The following BAG4 variants were observed in gnomAD, a reference collection of about 807,000 sequenced individuals.
The protein encoded by BAG4 is BAG family molecular chaperone regulator 4.
In BAG4, 28 loss-of-function variants were observed where a neutral mutation model predicts 52.1. The observed-to-expected ratio is 0.54, with a 90% confidence interval of 0.40 to 0.74. The LOEUF (loss-of-function observed/expected upper bound fraction) is 0.74, where lower values mean the gene tolerates loss of function less well. BAG4 is among the 30% of genes least tolerant of loss of function. The pLI, the probability that BAG4 is intolerant of heterozygous loss-of-function variation, is 0.00. For synonymous variants in BAG4, 208 were observed against 217.0 expected, an observed-to-expected ratio of 0.96 and a Z score of 0.37; for missense variants, 525 against 572.0, an observed-to-expected ratio of 0.92 and a Z score of 0.84.
intron 2 of BAG4, among the ~76,000 whole-genome samples, chr8:38,200,129 G>A (rs992013676): frequency 1.2e-4 from 18 of 151,266 alleles, no homozygotes; most frequent in African/African-American, 4.4e-4. Flanking sequence ...TCAGCCTCCC[G>A]AGTAGCTAGG....
At chr8:38,182,366 T>C (rs1413336292) in intron 1 of BAG4, among the ~76,000 whole-genome samples, 1 of 152,210 alleles carries the variant, frequency 6.6e-6, no homozygotes, top group Non-Finnish European at 1.5e-5. Flanking sequence ...TTAGATTTGC[T>C]TGGACTGGGG....
Position 38,211,149 on chromosome 8 carries a change from T to C in BAG4, c.*656T>C, listed in dbSNP as rs1259715429. ...CACTTGAATATACTGCAATGTGTAGTGAGTAAATTGTCTCCCTTTTTCTAT... is the reference window on the plus strand; with the variant it reads ...CACTTGAATATACTGCAATGTGTAGCGAGTAAATTGTCTCCCTTTTTCTAT... On this transcript the variant is annotated 3_prime_UTR_variant, in exon 5 of 5. Coordinates refer to ENST00000287322, the MANE Select transcript of BAG4 (RefSeq NM_004874.4). 6.6e-6 allele frequency: 1 copy of C among 151,498 alleles called. No homozygotes were observed. Among genetic ancestry groups the C allele is most frequent in the Non-Finnish European group, 1.5e-5 (1 of 67,854 alleles). The allele number at this position is 151,498 out of a possible 1,614,324, so 9.4% of individuals were successfully genotyped here.
intron 1 of BAG4, among the ~76,000 whole-genome samples, chr8:38,186,038 G>A (rs1413305459): frequency 6.6e-6 from 1 of 152,152 alleles, no homozygotes; most frequent in Admixed American, 6.5e-5. Context: ...CCACCTCATA[G>A]CCTCAGTCAG....
At chr8:38,192,454 T>C (rs760085726) in intron 1 of BAG4, among the ~76,000 whole-genome samples, 10 of 152,176 alleles carry the variant, frequency 6.6e-5, no homozygotes, top group South Asian at 2.1e-4. Flanking sequence ...TTATTTTTTG[T>C]TTTTAAGAGA....
intron 1 of BAG4, among the ~76,000 whole-genome samples, chr8:38,179,766 C>CAA (rs397955412): frequency 7.1e-6 from 1 of 141,040 alleles, no homozygotes; most frequent in Non-Finnish European, 1.5e-5. Flanking sequence ...AACTCCATCT[C>CAA]AAAAAAAAAA....
intron 2 of BAG4, 64 bp from the exon 3 acceptor site, chr8:38,207,448 A>C: frequency 6.5e-7 from 1 of 1,535,130 alleles, no homozygotes; most frequent in South Asian, 1.2e-5. Context: ...TTTAGGCATT[A>C]AGTCAGGGCA....
intron 2 of BAG4, among the ~76,000 whole-genome samples, chr8:38,200,379 ATGT>A (rs1803640593): frequency 6.6e-6 from 1 of 152,102 alleles, no homozygotes; most frequent in African/African-American, 2.4e-5. Context: ...ATTAATCTAT[ATGT>A]CTTCCTTAAG....
intron 2 of BAG4, among the ~76,000 whole-genome samples, chr8:38,195,360 C>T (rs1803546661): frequency 6.6e-6 from 1 of 152,066 alleles, no homozygotes; most frequent in Non-Finnish European, 1.5e-5. Context: ...CGCCATGTTA[C>T]CCAAGCTGGT....
Position 38,211,715 on chromosome 8 carries a change from G to C in BAG4, c.*1222G>C, listed in dbSNP as rs1264850008. 6.6e-6 allele frequency: 1 copy of C among 151,948 alleles called. No homozygotes were observed. The highest frequency in any genetic ancestry group is 1.5e-5 in the Non-Finnish European group (1 of 67,928). 9.4% of individuals were successfully genotyped at this position (151,948 alleles called of 1,614,324 possible). ...TCCCTAAATTGCATAAGATAAAATT[G>C]TCTGTTTAATAAAAAGACATTTATT... On this transcript the variant is annotated 3_prime_UTR_variant, in exon 5 of 5. Coordinates refer to ENST00000287322, the MANE Select transcript of BAG4 (RefSeq NM_004874.4).
intron 1 of BAG4, among the ~76,000 whole-genome samples, chr8:38,186,523 G>A (rs908720487): frequency 6.6e-6 from 1 of 152,170 alleles, no homozygotes; most frequent in East Asian, 1.9e-4. Flanking sequence ...GGAAGAGACT[G>A]GTTAGATTCA....
intron 2 of BAG4, among the ~76,000 whole-genome samples, chr8:38,194,850 T>C (rs571779743): frequency 6.7e-6 from 1 of 149,620 alleles, no homozygotes; most frequent in Non-Finnish European, 1.5e-5. Flanking sequence ...TTTTTTTGTT[T>C]TTTTTTTTTT....
chr8:38,177,242 T>C (rs1585647071), intron 1 of BAG4, 103 bp downstream of exon 1: 8 of 1,480,046 alleles, frequency 5.4e-6, no homozygotes, highest in Non-Finnish European at 7.2e-6. Flanking sequence ...TGGAGGAGGG[T>C]GTGTTGCGGG....
At chr8:38,202,195 A>C (rs1227336962) in intron 2 of BAG4, 4 of 151,970 alleles carry the variant, frequency 2.6e-5, no homozygotes, top group African/African-American at 9.7e-5. Flanking sequence ...AAAGTTCGTG[A>C]GGTTTTCTCA....
chr8:38,208,327 T>G (rs1273014198), intron 3 of BAG4, among the ~76,000 whole-genome samples: 2 of 146,990 alleles, frequency 1.4e-5, no homozygotes, highest in Admixed American at 1.4e-4. Context: ...TTTTTTTTTT[T>G]GAGACGGAGT....
At chr8:38,180,987 C>CT (rs1301926192) in intron 1 of BAG4, among the ~76,000 whole-genome samples, 5 of 149,814 alleles carry the variant, frequency 3.3e-5, no homozygotes, top group African/African-American at 1.2e-4. Context: ...GTTACCCAGG[C>CT]TGGAGTGCGG....
intron 1 of BAG4, among the ~76,000 whole-genome samples, chr8:38,181,160 A>G (rs1022688552): frequency 1.3e-5 from 2 of 149,242 alleles, no homozygotes; most frequent in African/African-American, 5.0e-5. Context: ...CCAGGATGGT[A>G]TCGATCTCCT....
chr8:38,186,675 A>C (rs1463506662), intron 1 of BAG4, among the ~76,000 whole-genome samples: 2 of 152,182 alleles, frequency 1.3e-5, no homozygotes, highest in Admixed American at 1.3e-4. Context: ...GAGGGACCCA[A>C]ATTTGATCTA....
At chr8:38,177,490 G>A (rs1165423679) in intron 1 of BAG4, among the ~76,000 whole-genome samples, 1 of 152,214 alleles carries the variant, frequency 6.6e-6, no homozygotes, top group Non-Finnish European at 1.5e-5. Flanking sequence ...CTGCGTGGCT[G>A]GCAGGCCGGC....
chr8:38,188,091 G>GT (rs1232125562), intron 1 of BAG4, among the ~76,000 whole-genome samples: 30 of 144,440 alleles, frequency 2.1e-4, no homozygotes, highest in Non-Finnish European at 3.8e-4. Flanking sequence ...TAGCCCAAGA[G>GT]TAACTGCTAA....
Sources: gnomAD v4.1 joint callset for allele counts (sites outside exome capture counted in the v4.1 genomes callset) on GRCh38, gnomAD v4.1.1 for gene constraint, MANE v1.5 for transcripts, NCBI Gene and HGNC (gene_info 2026-07-23, HGNC 2026-07-21) for gene names.